CPED1: variants seen among roughly 807,000 people sequenced by gnomAD.
The protein encoded by CPED1 is cadherin-like and PC-esterase domain-containing protein 1.
In CPED1, 114 loss-of-function variants were observed where a neutral mutation model predicts 128.2. The ratio of observed to expected loss-of-function variants is 0.89; its 90% CI spans 0.76 to 1.04. The LOEUF (loss-of-function observed/expected upper bound fraction) is 1.04, where lower values mean the gene tolerates loss of function less well. Ranked by LOEUF, CPED1 falls within the 50% of genes least tolerant of loss-of-function variation. CPED1 has a pLI of 0.00. For synonymous variants in CPED1, 462 were observed against 426.7 expected (o/e 1.08, Z -1.02); for missense variants, 1,211 against 1,207.1 (o/e 1.00, Z -0.05).
chr7:121,280,773 G>A (rs12534075), intron 22 of CPED1, among the ~76,000 whole-genome samples: 53,967 of 152,008 alleles, frequency 0.36, 9,676 homozygotes, highest in South Asian at 0.43. Context: ...CTAACTTCTA[G>A]CTATTGTTTG....
chr7:121,000,049 C>A (rs1042142711), intron 2 of CPED1, among the ~76,000 whole-genome samples: 2 of 152,056 alleles, frequency 1.3e-5, no homozygotes, highest in East Asian at 3.9e-4. Context: ...ATAAGATAAA[C>A]CCTCTGAAAT....
intron 16 of CPED1, among the ~76,000 whole-genome samples, chr7:121,192,831 A>G (rs1797175861): frequency 6.6e-6 from 1 of 152,150 alleles, no homozygotes; most frequent in African/African-American, 2.4e-5. Flanking sequence ...TTATATCAAA[A>G]TTTTAAGACA....
chr7:121,106,861 G>A (rs559447837), intron 7 of CPED1, among the ~76,000 whole-genome samples: 23 of 152,118 alleles, frequency 1.5e-4, no homozygotes, highest in African/African-American at 5.5e-4. Context: ...GCACAGTAAT[G>A]TCACTCTGAT....
At chr7:121,148,433 T>C (rs1796077130) in intron 16 of CPED1, among the ~76,000 whole-genome samples, 1 of 152,174 alleles carries the variant, frequency 6.6e-6, no homozygotes, top group Non-Finnish European at 1.5e-5. Context: ...TGAACATAGG[T>C]GATTTTTTAA....
intron 17 of CPED1, among the ~76,000 whole-genome samples, chr7:121,240,403 A>G (rs897561871): frequency 1.3e-4 from 20 of 152,204 alleles, no homozygotes; most frequent in Admixed American, 3.9e-4. Flanking sequence ...ATTATTAAAT[A>G]GAATCTCATT....
At chr7:121,249,020 A>T (rs1444420426) in intron 18 of CPED1, among the ~76,000 whole-genome samples, 2 of 152,200 alleles carry the variant, frequency 1.3e-5, no homozygotes, top group African/African-American at 4.8e-5. Flanking sequence ...TCACTGTAAG[A>T]ATTTCATAAT....
chr7:121,099,321 C>CTTTATTT (rs1434175374), intron 6 of CPED1, among the ~76,000 whole-genome samples: 1 of 151,956 alleles, frequency 6.6e-6, no homozygotes, highest in Non-Finnish European at 1.5e-5. Flanking sequence ...TTTTTAAATT[C>CTTTATTT]AACTTTATTC....
At chr7:121,045,597 T>C (rs954874296) in intron 3 of CPED1, among the ~76,000 whole-genome samples, 3 of 152,204 alleles carry the variant, frequency 2.0e-5, no homozygotes, top group Non-Finnish European at 4.4e-5. Flanking sequence ...AAGCGAGGTA[T>C]TTAAAGAAGT....
chr7:121,094,176 A>G (rs1794641866), intron 5 of CPED1, among the ~76,000 whole-genome samples: 1 of 152,198 alleles, frequency 6.6e-6, no homozygotes. Context: ...GCGAATTATT[A>G]AGTAAGGCCT....
chr7:121,024,836 G>C (rs1792534586), intron 3 of CPED1, among the ~76,000 whole-genome samples: 1 of 152,146 alleles, frequency 6.6e-6, no homozygotes, highest in African/African-American at 2.4e-5. Context: ...CTCCAGGAAA[G>C]ATAAACAAAC....
At chr7:121,206,639 A>G (rs1187895457) in intron 16 of CPED1, among the ~76,000 whole-genome samples, 1 of 152,022 alleles carries the variant, frequency 6.6e-6, no homozygotes, top group Non-Finnish European at 1.5e-5. Flanking sequence ...AAATGATACA[A>G]TTCAATACAA....
chr7:121,055,593 ATAAT>A (rs1164526774), intron 4 of CPED1, among the ~76,000 whole-genome samples: 1 of 150,044 alleles, frequency 6.7e-6, no homozygotes, highest in African/African-American at 2.4e-5. Context: ...GATATAATAA[ATAAT>A]TATGATATAA....
rs1447520060 is a variant in CPED1, at chr7:121,252,568, T to G, written c.2310+8230T>G. On this transcript the variant is annotated intron_variant, in intron 18 of 22. Coordinates refer to ENST00000310396, the MANE Select transcript of CPED1 (RefSeq NM_024913.5). ...GGAGAAAATTTTCGCAACCTACTCA[T>G]CTGACAAAGGGCTAATATCCAGAAT... 2.0e-5 allele frequency among the ~76,000 whole-genome samples: 3 copies of G among 152,032 alleles called. No homozygotes were observed. The East Asian group carries it at 5.8e-4, about 29-fold the overall frequency.
At chr7:121,009,643 A>C (rs1306427792) in intron 2 of CPED1, among the ~76,000 whole-genome samples, 5 of 151,786 alleles carry the variant, frequency 3.3e-5, no homozygotes, top group Non-Finnish European at 5.9e-5. Flanking sequence ...CATTAGGTGA[A>C]AAGACTAATG....
Position 121,127,190 on chromosome 7 carries a change from C to G in CPED1, c.1235C>G (p.Pro412Arg). ...AATGACACTTTCAATTTTCTCTTCC[C>G]TAATGAATCATCACTTTCCATATTT... ...LLNDTFNFLF[P>R]NESSLSIFSE... The change falls in exon 10 of 23, where the codon CCT becomes CGT. Residue 412 changes from proline (P) to arginine (R), a missense_variant. Pro to Arg is a moderately radical substitution (Grantham distance 103). Coordinates refer to ENST00000310396, the MANE Select transcript of CPED1 (RefSeq NM_024913.5). The G allele has an allele frequency of 6.3e-7, 1 of 1,594,188 alleles. No individual in the cohort carries two copies. The highest frequency in any genetic ancestry group is 1.3e-5 in the African/African-American group (1 of 74,580).
intron 2 of CPED1, among the ~76,000 whole-genome samples, chr7:121,005,557 CTGTT>C (rs1297121742): frequency 1.4e-4 from 22 of 151,964 alleles, no homozygotes; most frequent in Admixed American, 2.6e-4. Flanking sequence ...ATGTAGATGA[CTGTT>C]TGGGTACAGC....
At chr7:121,010,919 G>T (rs1199561872) in intron 2 of CPED1, among the ~76,000 whole-genome samples, 1 of 152,148 alleles carries the variant, frequency 6.6e-6, no homozygotes, top group Non-Finnish European at 1.5e-5. Flanking sequence ...ATAGATCCTA[G>T]AAAATTCCTT....
intron 11 of CPED1, among the ~76,000 whole-genome samples, chr7:121,129,777 C>T (rs554730625): frequency 1.4e-4 from 22 of 151,770 alleles, no homozygotes; most frequent in South Asian, 4.2e-4. Context: ...CTCACTCTGA[C>T]ATAATTCATT....
At chr7:121,099,616 T>A (rs1247942572) in intron 6 of CPED1, among the ~76,000 whole-genome samples, 1 of 152,198 alleles carries the variant, frequency 6.6e-6, no homozygotes, top group Non-Finnish European at 1.5e-5. Flanking sequence ...TCCGCCTGTC[T>A]CGGCCTCCCA....
Sources: gnomAD v4.1 joint callset for allele counts (sites outside exome capture counted in the v4.1 genomes callset) on GRCh38, gnomAD v4.1.1 for gene constraint, MANE v1.5 for transcripts, NCBI Gene and HGNC (gene_info 2026-07-23, HGNC 2026-07-21) for gene names.